Variants in CA10 observed in about 807,000 individuals in gnomAD.
CA10 encodes carbonic anhydrase 10 (inactive), also known as carbonic anhydrase-related protein 10.
Under a neutral mutation model 44.2 loss-of-function variants are expected in CA10, and 14 were observed. That is an observed-to-expected ratio of 0.32 (90% CI 0.21 to 0.50). The LOEUF is 0.50. Among genes scored for constraint, CA10 ranks in the 20% least tolerant of loss-of-function variants. The pLI is 0.99. For missense variants in CA10, 350 were observed against 409.7 expected, an observed-to-expected ratio of 0.85 and a Z score of 1.26; for synonymous variants, 159 against 141.6, an observed-to-expected ratio of 1.12 and a Z score of -0.87.
intron 1 of CA10, among the ~76,000 whole-genome samples, chr17:52,088,365 C>G (rs1180293651): frequency 6.6e-6 from 1 of 152,046 alleles, no homozygotes; most frequent in African/African-American, 2.4e-5. Context: ...GTCATTCTAC[C>G]TAAGAAATGT....
chr17:52,022,871 C>CA (rs1020500054), intron 2 of CA10, among the ~76,000 whole-genome samples: 6 of 151,680 alleles, frequency 4.0e-5, no homozygotes, highest in East Asian at 1.9e-4. Context: ...GCAACAACAA[C>CA]AAAAAAATAC....
At chr17:51,719,723 C>T (rs373574648) in intron 4 of CA10, among the ~76,000 whole-genome samples, 1 of 151,760 alleles carries the variant, frequency 6.6e-6, no homozygotes, top group African/African-American at 2.4e-5. Context: ...CGTATCTTTA[C>T]AAAAAGTAAA....
intron 1 of CA10, among the ~76,000 whole-genome samples, chr17:52,111,560 T>C (rs1206710991): frequency 6.6e-6 from 1 of 152,144 alleles, no homozygotes; most frequent in Non-Finnish European, 1.5e-5. Context: ...AAGTAATGTA[T>C]ACAGGTCCCA....
At chr17:52,084,330 A>G (rs866135810) in intron 1 of CA10, among the ~76,000 whole-genome samples, 4 of 152,206 alleles carry the variant, frequency 2.6e-5, no homozygotes, top group South Asian at 2.1e-4. Flanking sequence ...TCATAGCTCA[A>G]CATAGTTTTG....
chr17:51,909,881 A>T (rs986114868), intron 3 of CA10, among the ~76,000 whole-genome samples: 1 of 152,066 alleles, frequency 6.6e-6, no homozygotes, highest in Non-Finnish European at 1.5e-5. Flanking sequence ...CACCTTCTCT[A>T]TTTTCACTGC....
At chr17:51,697,085 G>GA (rs60585641) in intron 4 of CA10, among the ~76,000 whole-genome samples, 7,025 of 139,000 alleles carry the variant, frequency 0.051, 217 homozygotes, top group African/African-American at 0.071. Flanking sequence ...GCAACGTAAT[G>GA]AAAAAAAAAA....
chr17:51,927,313 A>T (rs960882014), intron 3 of CA10, among the ~76,000 whole-genome samples: 1 of 152,178 alleles, frequency 6.6e-6, no homozygotes, highest in Admixed American at 6.6e-5. Flanking sequence ...GAGTTAAAAG[A>T]TGAGAAAAGA....
chr17:52,100,300 A>T (rs1007650050), intron 1 of CA10, among the ~76,000 whole-genome samples: 3 of 152,228 alleles, frequency 2.0e-5, no homozygotes, highest in Admixed American at 2.0e-4. Flanking sequence ...TCATCTTCAT[A>T]GAAACAGTAC....
At chr17:51,949,063 T>C (rs954207875) in intron 2 of CA10, among the ~76,000 whole-genome samples, 15 of 152,294 alleles carry the variant, frequency 9.8e-5, no homozygotes, top group African/African-American at 3.4e-4. Flanking sequence ...GATACTATGA[T>C]CTCTATGAGA....
chr17:51,901,995 C>T (rs1981337026), intron 3 of CA10, among the ~76,000 whole-genome samples: 1 of 152,108 alleles, frequency 6.6e-6, no homozygotes, highest in Non-Finnish European at 1.5e-5. Flanking sequence ...GAAAGAAATA[C>T]AGTATAGTAC....
chr17:51,753,138 T>A (rs1037080889), intron 3 of CA10, among the ~76,000 whole-genome samples: 5 of 152,132 alleles, frequency 3.3e-5, no homozygotes, highest in African/African-American at 1.2e-4. Flanking sequence ...AGTCCCTCAA[T>A]TTCCTCACCT....
intron 1 of CA10, among the ~76,000 whole-genome samples, chr17:52,092,982 G>A (rs1200022367): frequency 6.6e-6 from 1 of 152,052 alleles, no homozygotes; most frequent in Non-Finnish European, 1.5e-5. Flanking sequence ...ACGTATAGTA[G>A]GTCCTTCAAT....
At chr17:51,790,057 T>A (rs1281883336) in intron 3 of CA10, among the ~76,000 whole-genome samples, 1 of 152,172 alleles carries the variant, frequency 6.6e-6, no homozygotes, top group Non-Finnish European at 1.5e-5. Context: ...TCTAACTTAG[T>A]GGCCTCCTTG....
chr17:51,704,270 A>T (rs1210272306), intron 4 of CA10, among the ~76,000 whole-genome samples: 1 of 152,158 alleles, frequency 6.6e-6, no homozygotes, highest in Non-Finnish European at 1.5e-5. Context: ...CAAACACTGG[A>T]GATTCTATAC....
intron 3 of CA10, among the ~76,000 whole-genome samples, chr17:51,914,623 A>G (rs991929771): frequency 1.3e-5 from 2 of 152,188 alleles, no homozygotes; most frequent in African/African-American, 4.8e-5. Flanking sequence ...AGCACCCACC[A>G]TCCCTCATGC....
chr17:52,071,366 T>G (rs1389031839), intron 2 of CA10, among the ~76,000 whole-genome samples: 1 of 152,196 alleles, frequency 6.6e-6, no homozygotes, highest in Non-Finnish European at 1.5e-5. Context: ...TGCCCCATCA[T>G]ACAAATGAGA....
intron 2 of CA10, among the ~76,000 whole-genome samples, chr17:51,986,525 A>G (rs1178047602): frequency 2.0e-5 from 3 of 152,062 alleles, no homozygotes; most frequent in African/African-American, 7.2e-5. Context: ...ACTTAATTAA[A>G]CTAAAAAGCT....
chr17:51,756,563 G>T (rs368077863), intron 3 of CA10, among the ~76,000 whole-genome samples: 38 of 146,800 alleles, frequency 2.6e-4, no homozygotes, highest in Non-Finnish European at 5.0e-4. Flanking sequence ...TCCGCCTCCC[G>T]GGTTCACGCC....
At chr17:51,803,555 GGTGGT>G (rs1353651721) in intron 3 of CA10, among the ~76,000 whole-genome samples, 7 of 152,080 alleles carry the variant, frequency 4.6e-5, no homozygotes, top group Non-Finnish European at 8.8e-5. Context: ...ACCTTTTTTG[GGTGGT>G]GTGAAGGAAT....
Sources: allele counts gnomAD v4.1 joint callset (sites outside exome capture counted in the v4.1 genomes callset), GRCh38; gene constraint gnomAD v4.1.1; transcripts MANE v1.5; gene names NCBI Gene and HGNC (gene_info 2026-07-23, HGNC 2026-07-21).